C3orf70: variants seen among roughly 807,000 people sequenced by gnomAD.
The protein encoded by C3orf70 is UPF0524 protein C3orf70.
C3orf70 carries 15 observed loss-of-function variants against 20.7 expected under a neutral mutation model. The ratio of observed to expected loss-of-function variants is 0.72; its 90% confidence interval spans 0.48 to 1.11. C3orf70 has a LOEUF of 1.11. Among genes scored for constraint, C3orf70 ranks in the 50% most tolerant of loss-of-function variants. The pLI is 0.00. For missense variants in C3orf70, 332 were observed against 317.6 expected, an observed-to-expected ratio of 1.05 and a Z score of -0.34; for synonymous variants, 161 against 125.7, an observed-to-expected ratio of 1.28 and a Z score of -1.88.
intron 1 of C3orf70, among the ~76,000 whole-genome samples, chr3:185,085,920 T>A (rs1189476311): frequency 6.6e-6 from 1 of 152,128 alleles, no homozygotes; most frequent in African/African-American, 2.4e-5. Flanking sequence ...AATGAAGGTT[T>A]CGTCTTTTTC....
intron 1 of C3orf70, among the ~76,000 whole-genome samples, chr3:185,106,379 G>A (rs191585080): frequency 0.052 from 7,884 of 152,148 alleles, 662 homozygotes; most frequent in African/African-American, 0.18. Context: ...GACTGAGAGT[G>A]GATAAAGGAA....
chr3:185,114,559 G>T (rs886905693), intron 1 of C3orf70, among the ~76,000 whole-genome samples: 1 of 152,086 alleles, frequency 6.6e-6, no homozygotes, highest in Admixed American at 6.5e-5. Flanking sequence ...CCATTAAAAG[G>T]AATGAATGTA....
intron 1 of C3orf70, among the ~76,000 whole-genome samples, chr3:185,120,012 ACT>A (rs1435763230): frequency 1.3e-5 from 2 of 150,700 alleles, no homozygotes; most frequent in South Asian, 2.1e-4. Context: ...ACAGAGCTAG[ACT>A]CTGTCTCAAA....
At chr3:185,140,317 G>T (rs1309370964) in intron 1 of C3orf70, among the ~76,000 whole-genome samples, 4 of 152,090 alleles carry the variant, frequency 2.6e-5, no homozygotes, top group African/African-American at 9.7e-5. Flanking sequence ...GAAAATATCT[G>T]CAAACCACTA....
intron 1 of C3orf70, among the ~76,000 whole-genome samples, chr3:185,120,642 A>C (rs1383869784): frequency 1.3e-5 from 2 of 151,942 alleles, no homozygotes; most frequent in Non-Finnish European, 2.9e-5. Flanking sequence ...CTCACTAATG[A>C]TCAGGGAAAT....
chr3:185,093,340 C>G (rs762130615), intron 1 of C3orf70, among the ~76,000 whole-genome samples: 1 of 152,190 alleles, frequency 6.6e-6, no homozygotes, highest in Non-Finnish European at 1.5e-5. Flanking sequence ...TGCCATAAAT[C>G]TAAAATAGAG....
At chr3:185,106,488 A>G (rs890954929) in intron 1 of C3orf70, among the ~76,000 whole-genome samples, 2 of 152,348 alleles carry the variant, frequency 1.3e-5, no homozygotes, top group African/African-American at 2.4e-5. Context: ...AGTTGAGGGA[A>G]AAAAAGAAAA....
chr3:185,132,738 T>C (rs114742246), intron 1 of C3orf70, among the ~76,000 whole-genome samples: 2,582 of 152,288 alleles, frequency 0.017, 75 homozygotes, highest in African/African-American at 0.059. Context: ...TTTTCTAAAA[T>C]TGATGAAGGA....
At chr3:185,103,934 G>T (rs1715872785) in intron 1 of C3orf70, among the ~76,000 whole-genome samples, 1 of 152,132 alleles carries the variant, frequency 6.6e-6, no homozygotes, top group African/African-American at 2.4e-5. Context: ...TTACCTAAAA[G>T]AAACCCACAG....
intron 1 of C3orf70, among the ~76,000 whole-genome samples, chr3:185,085,808 C>T (rs577245562): frequency 6.7e-6 from 1 of 149,484 alleles, no homozygotes; most frequent in South Asian, 2.1e-4. Flanking sequence ...TCCAGACCCT[C>T]CAGCCCCAGG....
chr3:185,144,740 G>A (rs890876333), intron 1 of C3orf70, among the ~76,000 whole-genome samples: 14 of 152,142 alleles, frequency 9.2e-5, no homozygotes, highest in Admixed American at 5.9e-4. Context: ...CAAAGTGCTG[G>A]GATTACAGGC....
intron 1 of C3orf70, among the ~76,000 whole-genome samples, chr3:185,119,763 C>T (rs9822606): frequency 0.052 from 7,860 of 151,872 alleles, 661 homozygotes; most frequent in African/African-American, 0.18. Context: ...CGGTGGCTCA[C>T]GCCTGTAATC....
At chr3:185,086,024 T>TA (rs1715451904) in intron 1 of C3orf70, among the ~76,000 whole-genome samples, 2 of 152,210 alleles carry the variant, frequency 1.3e-5, no homozygotes, top group Non-Finnish European at 2.9e-5. Flanking sequence ...CATCCTGCCC[T>TA]AAGTAACCTG....
At chr3:185,120,021 C>CA (rs375867678) in intron 1 of C3orf70, among the ~76,000 whole-genome samples, 11 of 87,142 alleles carry the variant, frequency 1.3e-4, no homozygotes, top group South Asian at 4.1e-4. Flanking sequence ...GACTCTGTCT[C>CA]AAAAAAAAAA....
intron 1 of C3orf70, among the ~76,000 whole-genome samples, chr3:185,114,509 G>T (rs1260853423): frequency 2.0e-5 from 3 of 152,120 alleles, no homozygotes; most frequent in African/African-American, 7.2e-5. Context: ...TGATTTTAAT[G>T]ATTAAAGATT....
chr3:185,124,835 A>T (rs938918029), intron 1 of C3orf70, among the ~76,000 whole-genome samples: 6 of 152,218 alleles, frequency 3.9e-5, no homozygotes, highest in Admixed American at 2.6e-4. Flanking sequence ...AAGTTTTTTT[A>T]AAAAAGTGAG....
At chr3:185,091,957 ATATATATTTTTTT>A (rs1561331099) in intron 1 of C3orf70, among the ~76,000 whole-genome samples, 95 of 7,044 alleles carry the variant, frequency 0.013, 5 homozygotes, top group East Asian at 0.055. Flanking sequence ...ATATATATAT[ATATATATTTTTTT>A]TTTTTTTTAG....
At chr3:185,114,742 T>TA (rs1305509012) in intron 1 of C3orf70, among the ~76,000 whole-genome samples, 1 of 152,196 alleles carries the variant, frequency 6.6e-6, no homozygotes, top group African/African-American at 2.4e-5. Context: ...TCTTTAATTT[T>TA]AAAAAAGAAG....
intron 1 of C3orf70, among the ~76,000 whole-genome samples, chr3:185,109,019 G>A (rs998140508): frequency 5.3e-5 from 8 of 152,132 alleles, no homozygotes; most frequent in Non-Finnish European, 8.8e-5. Context: ...TCTCTATGTG[G>A]AATATTAAAC....
Sources: gnomAD v4.1 joint callset for allele counts (sites outside exome capture counted in the v4.1 genomes callset) on GRCh38, gnomAD v4.1.1 for gene constraint, MANE v1.5 for transcripts, NCBI Gene and HGNC (gene_info 2026-07-23, HGNC 2026-07-21) for gene names.